SI: variants seen among roughly 807,000 people sequenced by gnomAD.
SI encodes the protein sucrase-isomaltase.
A neutral mutation model predicts 253.3 loss-of-function variants in SI; 235 were observed. That is an observed-to-expected ratio of 0.93 (90% CI 0.83 to 1.03). SI has a LOEUF of 1.03. Ranked by LOEUF, SI falls within the 50% of genes least tolerant of loss-of-function variation. SI has a pLI of 0.00. For synonymous variants in SI, 819 were observed against 712.0 expected, an observed-to-expected ratio of 1.15 and a Z score of -2.39; for missense variants, 2,442 against 2,211.1, an observed-to-expected ratio of 1.10 and a Z score of -2.09.
chr3:165,039,730 T>C (rs1712717754), intron 19 of SI, among the ~76,000 whole-genome samples, 157 bp downstream of exon 19: 1 of 152,126 alleles, frequency 6.6e-6, no homozygotes, highest in South Asian at 2.1e-4. Context: ...TTTTATAACA[T>C]TTTGAAATTT....
chr3:165,043,863 A>G (rs527375647), intron 16 of SI, among the ~76,000 whole-genome samples: 15 of 152,106 alleles, frequency 9.9e-5, no homozygotes, highest in African/African-American at 3.1e-4. Flanking sequence ...TGTGAAATTC[A>G]ATTATATTAA....
rs1717482684 is a variant in SI at position 164,987,245 on chromosome 3, T to C, written c.5109-19A>G. 6.3e-7 allele frequency: 1 copy of C among 1,594,466 alleles called. No individual in the cohort carries two copies. The highest frequency in any genetic ancestry group is 8.6e-7 in the Non-Finnish European group (1 of 1,162,614). On this transcript the variant is annotated intron_variant, in intron 44 of 47. Transcript: ENST00000264382. ...TTGTCGACTATAAGAAAGAAATATA[T>C]AATTTTACCCATGTTTGTAGAATAG...
chr3:165,049,934 G>T (rs1194289765), intron 13 of SI, 59 bp from the exon 14 acceptor site: 1 of 1,041,844 alleles, frequency 9.6e-7, no homozygotes, highest in Admixed American at 1.7e-5. Context: ...CCTATTAGCA[G>T]AAACTCTCTA....
At chr3:165,030,633 A>G in intron 25 of SI, 79 bp downstream of exon 25, 1 of 1,437,366 alleles carries the variant, frequency 7.0e-7, no homozygotes, top group Non-Finnish European at 9.7e-7. Flanking sequence ...CTGCAGATTT[A>G]AAATTATAAT....
intron 45 of SI, among the ~76,000 whole-genome samples, chr3:164,983,717 G>A: frequency 6.6e-6 from 1 of 152,024 alleles, no homozygotes; most frequent in East Asian, 1.9e-4. Context: ...AGCCTCCTGA[G>A]TGGCTGGAAC....
At chr3:165,006,759 A>G in intron 37 of SI, 57 bp downstream of exon 37, 1 of 1,475,902 alleles carries the variant, frequency 6.8e-7, no homozygotes, top group Non-Finnish European at 9.5e-7. Flanking sequence ...TGATAACATT[A>G]AATGTAAGAA....
rs1488739530 is a variant in SI, at chr3:164,998,546, T to C, written c.4534A>G (p.Ile1512Val). 2.5e-6 allele frequency: 4 copies of C among 1,612,042 alleles called. No individual in the cohort carries two copies. The highest frequency in any genetic ancestry group is 3.4e-6 in the Non-Finnish European group (4 of 1,178,584). ...YARWDNMDKS[I>V]IGMMEFSLFG... is the part of the protein sequence containing the mutation. ...GATGGTGACTTTCACTTACCAATGA[T>C]TGATTTGTCCATGTTGTCCCATCGT... Residue 1512 changes from isoleucine to valine, a missense_variant, in exon 38 of 48, where the codon ATC becomes GTC. Transcript: ENST00000264382.
the SI span, among the ~76,000 whole-genome samples, chr3:165,090,002 T>C: frequency 1.6e-4 from 25 of 152,186 alleles, no homozygotes; most frequent in Non-Finnish European, 2.5e-4. Context: ...CTTTTTGTAA[T>C]GAAATCTTGG....
chr3:164,985,142 G>A (rs969884334), intron 45 of SI, among the ~76,000 whole-genome samples: 2 of 152,146 alleles, frequency 1.3e-5, no homozygotes, highest in African/African-American at 4.8e-5. Flanking sequence ...AACTTGAATA[G>A]GGTAAAGTCC....
intron 24 of SI, 78 bp downstream of exon 24, chr3:165,032,444 G>A (rs1489982586): frequency 3.2e-6 from 3 of 947,890 alleles, no homozygotes; most frequent in Non-Finnish European, 4.9e-6. Flanking sequence ...GGAGAAATAG[G>A]ATAAGTGCCT....
At chr3:165,056,325 G>T (rs531460133) in intron 12 of SI, among the ~76,000 whole-genome samples, 1 of 152,228 alleles carries the variant, frequency 6.6e-6, no homozygotes, top group South Asian at 2.1e-4. Flanking sequence ...TAAGAATGAA[G>T]CTTATGGCAG....
At chr3:164,982,979 T>G in intron 46 of SI, 23 bp downstream of exon 46, 1 of 1,549,532 alleles carries the variant, frequency 6.5e-7, no homozygotes, top group Non-Finnish European at 8.8e-7. Context: ...TTAACAGAAT[T>G]GCATATAAAT....
At chr3:165,085,101 G>A in the SI span, among the ~76,000 whole-genome samples, 10 of 152,128 alleles carry the variant, frequency 6.6e-5, no homozygotes, top group South Asian at 8.3e-4. Context: ...AAACTTCATA[G>A]ACCTGGGTGT....
chr3:165,011,514 G>C (rs999984028), intron 34 of SI, among the ~76,000 whole-genome samples: 4 of 151,808 alleles, frequency 2.6e-5, no homozygotes, highest in Non-Finnish European at 5.9e-5. Flanking sequence ...GGCTTGTCTT[G>C]TGACTTAACA....
Position 165,065,439 on chromosome 3 carries a change from C to T in SI, c.636-7G>A. On this transcript the variant is annotated splice_polypyrimidine_tract_variant and splice_region_variant and intron_variant, in intron 6 of 47. Coordinates refer to ENST00000264382, the MANE Select transcript of SI (RefSeq NM_001041.4). ...ACCAATGCTGGTGTCAAACCTGCAC[C>T]ATAAAAGAAATAAAGAAATAATCTA... 8.2e-7 allele frequency: 1 copy of T among 1,214,670 alleles called. No homozygotes were observed. The highest frequency in any genetic ancestry group is 3.5e-5 in the East Asian group (1 of 28,694). The allele number at this position is 1,214,670 out of a possible 1,614,324, so 75.2% of individuals were successfully genotyped here. A position where few individuals can be genotyped will look rare whatever the true frequency, so the allele number is the denominator to read the frequency against.
chr3:164,981,628 T>C (rs1171418140), intron 47 of SI, among the ~76,000 whole-genome samples: 2 of 152,114 alleles, frequency 1.3e-5, no homozygotes, highest in African/African-American at 4.8e-5. Flanking sequence ...GAACATGTGT[T>C]TGAAATTCAC....
At chr3:165,046,187 G>A (rs1022213264) in intron 16 of SI, among the ~76,000 whole-genome samples, 2 of 151,836 alleles carry the variant, frequency 1.3e-5, no homozygotes, top group East Asian at 3.9e-4. Context: ...TTATTGATCG[G>A]GTTTTTGGTG....
At chr3:165,079,447 A>G (rs112394613), upstream of SI, among the ~76,000 whole-genome samples, 380 of 151,812 alleles carry the variant, frequency 2.5e-3, 1 homozygote, top group South Asian at 8.1e-3. Flanking sequence ...CAAACTAAAT[A>G]TGAGTCTAAA....
At position 165,043,152 on chromosome 3, in the gene SI, A is replaced by AG. The variant is rs866887929; in HGVS notation, c.1910_1911insC (p.Val638CysfsTer3). 56 of 1,610,838 alleles carry AG rather than the reference A, an allele frequency of 3.5e-5. No homozygotes were observed. Among genetic ancestry groups the AG allele is most frequent in the Non-Finnish European group, 4.4e-5 (52 of 1,177,768 alleles). On this transcript the variant is annotated frameshift_variant, in exon 17 of 48. Transcript: ENST00000264382. LOFTEE classifies it high-confidence loss of function. Reference sequence around the variant, plus strand: ...AAAGTTCTTCTGTGGTTTCAGCCACAAATCCACAGATGTCTGCTCCAACCT... The same window carrying AG: ...AAAGTTCTTCTGTGGTTTCAGCCACAGAATCCACAGATGTCTGCTCCAACCT...
Sources: allele counts gnomAD v4.1 joint callset (sites outside exome capture counted in the v4.1 genomes callset), GRCh38; gene constraint gnomAD v4.1.1; transcripts MANE v1.5; gene names NCBI Gene and HGNC (gene_info 2026-07-23, HGNC 2026-07-21).